STAT1: variants seen among roughly 807,000 people sequenced by gnomAD.
STAT1 encodes the protein signal transducer and activator of transcription 1, also known as signal transducer and activator of transcription 1-alpha/beta.
Under a neutral mutation model 111.7 loss-of-function variants are expected in STAT1, and 24 were observed. That is an observed-to-expected ratio of 0.21 (90% confidence interval 0.16 to 0.30). The LOEUF (loss-of-function observed/expected upper bound fraction) is 0.30, where lower values mean the gene tolerates loss of function less well. Ranked by LOEUF, STAT1 falls within the 10% of genes least tolerant of loss-of-function variation. STAT1 has a pLI of 1.00. For missense variants in STAT1, 351 were observed against 911.9 expected, an observed-to-expected ratio of 0.38 and a Z score of 7.92; for synonymous variants, 332 against 326.5, an observed-to-expected ratio of 1.02 and a Z score of -0.18.
rs1296879028 is a variant in STAT1 at position 191,003,271 on chromosome 2, C to A, written c.373-2108G>T. On this transcript the variant is annotated intron_variant, in intron 5 of 24. Coordinates refer to ENST00000361099, the MANE Select transcript of STAT1 (RefSeq NM_007315.4). The surrounding 1 kb of genome is among the most constrained non-coding windows in gnomAD (Gnocchi z 4.0). ...TATCCTCTGTAAGTCCAAGGTGCCACATATCACTCAGTGACAAAAGGGGTT... is the reference window on the plus strand; with the variant it reads ...TATCCTCTGTAAGTCCAAGGTGCCAAATATCACTCAGTGACAAAAGGGGTT... 6.6e-6 allele frequency among the ~76,000 whole-genome samples: 1 copy of A among 152,208 alleles called. No individual in the cohort carries two copies. Among genetic ancestry groups the A allele is most frequent in the Non-Finnish European group, 1.5e-5 (1 of 68,038 alleles).
Position 191,006,587 on chromosome 2 carries a change from C to T in STAT1, c.372+976G>A, listed in dbSNP as rs1320583335. Among the ~76,000 whole-genome samples, 1 of 152,182 alleles carries T rather than the reference C, an allele frequency of 6.6e-6. No individual in the cohort carries two copies. Among genetic ancestry groups the T allele is most frequent in the African/African-American group, 2.4e-5 (1 of 41,440 alleles). ...GGTAGTTATTTGTTGGTGAAATGCA[C>T]ACAGGATGCATACTGTGTCCTCTGG... On this transcript the variant is annotated intron_variant, in intron 5 of 24. Transcript: ENST00000361099. The surrounding 1 kb of genome is among the most constrained non-coding windows in gnomAD (Gnocchi z 4.6).
Position 190,997,708 on chromosome 2 carries a change from G to C in STAT1, c.785+148C>G. On this transcript the variant is annotated intron_variant, in intron 9 of 24. Coordinates refer to ENST00000361099, the MANE Select transcript of STAT1 (RefSeq NM_007315.4). The surrounding 1 kb of genome is among the most constrained non-coding windows in gnomAD (Gnocchi z 7.3). Reference sequence around the variant, plus strand: ...ATAACACTGTGCTTTCCAAGGGAGTGTTTCCAGGGTAAGCAGAAGCTGGAC... The same window carrying C: ...ATAACACTGTGCTTTCCAAGGGAGTCTTTCCAGGGTAAGCAGAAGCTGGAC... The C allele has an allele frequency of 7.9e-7, 1 of 1,264,634 alleles. No homozygotes were observed. The highest frequency in any genetic ancestry group is 1.1e-6 in the Non-Finnish European group (1 of 896,866). The allele number at this position is 1,264,634 out of a possible 1,614,324, so 78.3% of individuals were successfully genotyped here.
intron 4 of STAT1, 21 bp downstream of exon 4, chr2:191,008,942 A>T (rs1422020814): frequency 2.5e-6 from 4 of 1,612,696 alleles, no homozygotes; most frequent in South Asian, 1.1e-5. Flanking sequence ...TTTCAACTAA[A>T]ATACAAAAAC....
Position 190,989,628 on chromosome 2 carries a change from C to T in STAT1, c.1084G>A (p.Val362Ile), listed in dbSNP as rs1405901081. The T allele has an allele frequency of 1.3e-6, 2 of 1,576,214 alleles. No homozygotes were observed. Among genetic ancestry groups the T allele is most frequent in the Non-Finnish European group, 1.7e-6 (2 of 1,150,856 alleles). Reference protein sequence around the residue: ...QELNYNLKVKVLFDKDVNERN... With the variant: ...QELNYNLKVKILFDKDVNERN... The stretch of plus-strand genomic sequence containing the variant: ...AAGATATCTTACTTATCAAATAAGA[C>T]TTTGACTTTCAAATTATAATTCAGC... Residue 362 changes from valine to isoleucine, a missense_variant, in exon 12 of 25, where the codon GTC becomes ATC. Transcript: ENST00000361099. This position sits in a 1 kb window ranked among gnomAD's most constrained non-coding sequence, Gnocchi z 5.0.
In STAT1 at chr2:191,000,548, C is replaced by A. The variant is rs115130006; in HGVS notation, c.462+526G>T. On this transcript the variant is annotated intron_variant, in intron 6 of 24. Transcript: ENST00000361099. The surrounding 1 kb of genome is among the most constrained non-coding windows in gnomAD (Gnocchi z 4.8). ...CCCTAACAGTGGAGAGGAGTAAATG[C>A]GCACCATCGAGGACGCCAGAGCAGC... 1.8e-4 allele frequency among the ~76,000 whole-genome samples: 27 copies of A among 152,318 alleles called. No homozygotes were observed. In the East Asian group the frequency reaches 5.0e-3, roughly 28 times the overall value.
At position 191,012,061 on chromosome 2, in the gene STAT1, C is replaced by T. The variant is rs1198664932; in HGVS notation, c.-2+1464G>A. Among the ~76,000 whole-genome samples the T allele has an allele frequency of 1.3e-5, 2 of 151,312 alleles. No homozygotes were observed. Among genetic ancestry groups the T allele is most frequent in the Non-Finnish European group, 2.9e-5 (2 of 67,890 alleles). On this transcript the variant is annotated intron_variant, in intron 2 of 24. Transcript: ENST00000361099. This position sits in a 1 kb window ranked among gnomAD's most constrained non-coding sequence, Gnocchi z 4.0. ...CTTCCGCACCCTGCCACAGTTGGTT[C>T]TTAAGGCTGGTTGAGCTAGTACATA...
At chr2:191,011,414 G>GGTGT (rs138763777) in intron 2 of STAT1, among the ~76,000 whole-genome samples, 1 of 151,562 alleles carries the variant, frequency 6.6e-6, no homozygotes, top group Non-Finnish European at 1.5e-5. Context: ...CTATCAACAA[G>GGTGT]GTGTGTGTGT....
At chr2:190,994,430 G>A (rs1693655724) in intron 10 of STAT1, among the ~76,000 whole-genome samples, 1 of 152,248 alleles carries the variant, frequency 6.6e-6, no homozygotes, top group African/African-American at 2.4e-5. Context: ...GGAGGCTGGG[G>A]AAGAGTCCAG....
In STAT1 at chr2:190,996,483, G is replaced by T. The variant is rs972458344; in HGVS notation, c.786-1264C>A. Among the ~76,000 whole-genome samples, 2 of 152,154 alleles carry T rather than the reference G, an allele frequency of 1.3e-5. No homozygotes were observed. The highest frequency in any genetic ancestry group is 4.8e-5 in the African/African-American group (2 of 41,432). On this transcript the variant is annotated intron_variant, in intron 9 of 24. Transcript: ENST00000361099. This position sits in a 1 kb window ranked among gnomAD's most constrained non-coding sequence, Gnocchi z 4.5. Reference sequence around the variant, plus strand: ...ACACAGAGAAAATGACAGCACAGTGGGAAAACTAGAGGGCATGTGTGTCCC... The same window carrying T: ...ACACAGAGAAAATGACAGCACAGTGTGAAAACTAGAGGGCATGTGTGTCCC...
In STAT1 at chr2:190,990,185, G is replaced by A. The variant is rs1289850694; in HGVS notation, c.1038-511C>T. 6.6e-6 allele frequency among the ~76,000 whole-genome samples: 1 copy of A among 152,190 alleles called. No homozygotes were observed. The highest frequency in any genetic ancestry group is 2.4e-5 in the African/African-American group (1 of 41,440). On this transcript the variant is annotated intron_variant, in intron 11 of 24. Transcript: ENST00000361099. This position sits in a 1 kb window ranked among gnomAD's most constrained non-coding sequence, Gnocchi z 5.1. ...AGGGCAGGTGAGAGGGTGTACCTCT[G>A]CTCCACTGAGCTGGAGACTTTGAGA...
rs1691880392 is a variant in STAT1, at chr2:190,976,000, C to G, written c.2060-113G>C. 1.0e-6 allele frequency: 1 copy of G among 972,686 alleles called. No homozygotes were observed. The highest frequency in any genetic ancestry group is 1.6e-6 in the Non-Finnish European group (1 of 621,446). 60.3% of individuals were successfully genotyped at this position (972,686 alleles called of 1,614,324 possible). A position where few individuals can be genotyped will look rare whatever the true frequency, so the allele number is the denominator to read the frequency against. On this transcript the variant is annotated intron_variant, in intron 22 of 24. Coordinates refer to ENST00000361099, the MANE Select transcript of STAT1 (RefSeq NM_007315.4). This position sits in a 1 kb window ranked among gnomAD's most constrained non-coding sequence, Gnocchi z 5.9. ...CTGTGTTTCTAGACAGCTTAGCCTC[C>G]TAAAACTTTAAGGAGCTATAACCTC...
rs1159903683 is a variant in STAT1 at position 190,994,927 on chromosome 2, A to AATATAT, written c.944+128_944+133dup. On this transcript the variant is annotated intron_variant, in intron 10 of 24. Transcript: ENST00000361099. ...GAGACTCTATCTCAAAAAAAAAAAA[A>AATATAT]ATATATATATATATATATATATATA... The AATATAT allele has an allele frequency of 3.6e-3, 490 of 134,968 alleles. 4 individuals are homozygous for AATATAT. The highest frequency in any genetic ancestry group is 5.0e-3 in the Non-Finnish European group (384 of 76,254). The allele number at this position is 134,968 out of a possible 1,614,324, so 8.4% of individuals were successfully genotyped here.
Position 190,993,267 on chromosome 2 carries a change from T to C in STAT1, c.944+1794A>G. 1 of 614,438 alleles carries C rather than the reference T, an allele frequency of 1.6e-6. No homozygotes were observed. The highest frequency in any genetic ancestry group is 3.1e-6 in the Non-Finnish European group (1 of 327,524). 38.1% of individuals were successfully genotyped at this position (614,438 alleles called of 1,614,324 possible). On this transcript the variant is annotated intron_variant, in intron 10 of 24. Coordinates refer to ENST00000361099, the MANE Select transcript of STAT1 (RefSeq NM_007315.4). This position sits in a 1 kb window ranked among gnomAD's most constrained non-coding sequence, Gnocchi z 4.1. ...ATTTTCTGCAGTCACTGTTTAATATTATTGAAGGACTCCTGATCTGTCACA... is the reference window on the plus strand; with the variant it reads ...ATTTTCTGCAGTCACTGTTTAATATCATTGAAGGACTCCTGATCTGTCACA...
At position 190,975,106 on chromosome 2, in the gene STAT1, C is replaced by G. The variant is rs1301809512; in HGVS notation, c.2136-174G>C. ...GCAAAAGTACAGCTCATGGGAGGCTCATGTCCCCAGCCCAGCCCCTTGGGA... is the reference window on the plus strand; with the variant it reads ...GCAAAAGTACAGCTCATGGGAGGCTGATGTCCCCAGCCCAGCCCCTTGGGA... On this transcript the variant is annotated intron_variant, in intron 23 of 24. Coordinates refer to ENST00000361099, the MANE Select transcript of STAT1 (RefSeq NM_007315.4). This position sits in a 1 kb window ranked among gnomAD's most constrained non-coding sequence, Gnocchi z 5.9. Among the ~76,000 whole-genome samples, 1 of 152,212 alleles carries G rather than the reference C, an allele frequency of 6.6e-6. No homozygotes were observed. The highest frequency in any genetic ancestry group is 6.5e-5 in the Admixed American group (1 of 15,278).
intron 10 of STAT1, 125 bp from the exon 11 acceptor site, chr2:190,991,445 C>A: frequency 2.2e-6 from 2 of 898,214 alleles, no homozygotes; most frequent in East Asian, 5.3e-5. Context: ...TTGAAAGATT[C>A]TGACAAGTTG....
chr2:190,997,744 T>C lies in STAT1; in HGVS notation c.785+112A>G. 2.0e-6 allele frequency: 3 copies of C among 1,497,216 alleles called. No homozygotes were observed. The highest frequency in any genetic ancestry group is 1.8e-6 in the Non-Finnish European group (2 of 1,087,618). 92.7% of individuals were successfully genotyped at this position (1,497,216 alleles called of 1,614,324 possible). On this transcript the variant is annotated intron_variant, in intron 9 of 24. Transcript: ENST00000361099. This position sits in a 1 kb window ranked among gnomAD's most constrained non-coding sequence, Gnocchi z 7.3. ...AAGCAGAAGCTGGACTATGTCAAAC[T>C]CTATACTAATGTTTTGACAGGGTCC...
rs1326029684 is a variant in STAT1, at chr2:190,981,735, TAAAG to T, written c.1582+644_1582+647del. Among the ~76,000 whole-genome samples the T allele has an allele frequency of 6.6e-6, 1 of 152,240 alleles. No individual in the cohort carries two copies. The highest frequency in any genetic ancestry group is 1.5e-5 in the Non-Finnish European group (1 of 68,040). The stretch of plus-strand genomic sequence containing the variant: ...TGGATACAAGTTGTCCACGGATTTT[TAAAG>T]AAATAGTTCAGATAGCCTCACTCAC... On this transcript the variant is annotated intron_variant, in intron 18 of 24. Transcript: ENST00000361099. This position sits in a 1 kb window ranked among gnomAD's most constrained non-coding sequence, Gnocchi z 4.1.
chr2:190,994,575 A>G (rs1693668770), intron 10 of STAT1, among the ~76,000 whole-genome samples: 1 of 152,188 alleles, frequency 6.6e-6, no homozygotes, highest in South Asian at 2.1e-4. Context: ...GCTGGCCACA[A>G]GAGTGAAGAA....
chr2:190,997,588 C>T lies in STAT1; in HGVS notation c.785+268G>A, dbSNP rs888398632. Among the ~76,000 whole-genome samples the T allele has an allele frequency of 6.6e-6, 1 of 152,114 alleles. No homozygotes were observed. Among genetic ancestry groups the T allele is most frequent in the Non-Finnish European group, 1.5e-5 (1 of 68,024 alleles). On this transcript the variant is annotated intron_variant, in intron 9 of 24. Coordinates refer to ENST00000361099, the MANE Select transcript of STAT1 (RefSeq NM_007315.4). This position sits in a 1 kb window ranked among gnomAD's most constrained non-coding sequence, Gnocchi z 7.3. ...AGTCATTAAATGTGTTCTATAACGA[C>T]CATGTCACTGATGTTTTGTACAGTC...
Sources: allele counts gnomAD v4.1 joint callset (sites outside exome capture counted in the v4.1 genomes callset), GRCh38; gene constraint gnomAD v4.1.1; non-coding constraint Gnocchi (gnomAD v3.1); transcripts MANE v1.5; gene names NCBI Gene and HGNC (gene_info 2026-07-23, HGNC 2026-07-21).